GAREM1: variants seen among roughly 807,000 people sequenced by gnomAD.
The protein encoded by GAREM1 is GRB2-associated and regulator of MAPK protein 1.
In GAREM1, 26 loss-of-function variants were observed where a neutral mutation model predicts 71.3. That is an observed-to-expected ratio of 0.36 (90% confidence interval 0.27 to 0.51). The LOEUF (loss-of-function observed/expected upper bound fraction) is 0.51. Ranked by LOEUF, GAREM1 falls within the 20% of genes least tolerant of loss-of-function variation. The pLI is 0.95. For missense variants in GAREM1, 1,026 were observed against 1,103.1 expected (o/e 0.93, Z 0.99); for synonymous variants, 440 against 433.2 (o/e 1.02, Z -0.20).
intron 2 of GAREM1, among the ~76,000 whole-genome samples, chr18:32,325,145 G>T (rs2047463054): frequency 6.6e-6 from 1 of 152,148 alleles, no homozygotes; most frequent in African/African-American, 2.4e-5. Context: ...TTTTAGTAGA[G>T]ACAGGGTTTC....
chr18:32,449,160 G>A (rs1456571541), intron 1 of GAREM1, among the ~76,000 whole-genome samples: 2 of 152,300 alleles, frequency 1.3e-5, no homozygotes, highest in Non-Finnish European at 2.9e-5. Context: ...AAGAGCTCTT[G>A]AGAAGTAAAT....
chr18:32,415,183 T>C (rs1255640773), intron 1 of GAREM1, among the ~76,000 whole-genome samples: 2 of 151,832 alleles, frequency 1.3e-5, no homozygotes, highest in African/African-American at 4.8e-5. Context: ...AACAGACTAA[T>C]AACAAGTAAC....
At chr18:32,342,322 C>T (rs1180795455) in intron 2 of GAREM1, among the ~76,000 whole-genome samples, 3 of 152,120 alleles carry the variant, frequency 2.0e-5, no homozygotes, top group South Asian at 4.1e-4. Context: ...TGAAATGACC[C>T]GCCCTCCTCC....
intron 2 of GAREM1, among the ~76,000 whole-genome samples, chr18:32,371,408 G>A (rs2047978066): frequency 6.6e-6 from 1 of 152,160 alleles, no homozygotes; most frequent in African/African-American, 2.4e-5. Context: ...GCAGTTAAAA[G>A]GCCCCTATAA....
At chr18:32,465,554 A>G (rs556090263) in intron 1 of GAREM1, among the ~76,000 whole-genome samples, 74 of 152,238 alleles carry the variant, frequency 4.9e-4, no homozygotes, top group South Asian at 1.0e-3. Flanking sequence ...TGTTCTACCT[A>G]CTTAGCAGTC....
At chr18:32,380,514 T>C (rs1357514106) in intron 2 of GAREM1, among the ~76,000 whole-genome samples, 2 of 146,948 alleles carry the variant, frequency 1.4e-5, no homozygotes, top group East Asian at 4.1e-4. Context: ...AAATCAAGTC[T>C]GGTAGCCTCT....
At chr18:32,414,475 C>G (rs1178968010) in intron 1 of GAREM1, among the ~76,000 whole-genome samples, 2 of 151,812 alleles carry the variant, frequency 1.3e-5, no homozygotes, top group African/African-American at 4.8e-5. Context: ...GGTCACAAAA[C>G]AAGTCTTAAA....
intron 4 of GAREM1, among the ~76,000 whole-genome samples, chr18:32,283,559 CAA>C (rs56663651): frequency 2.0e-5 from 3 of 150,990 alleles, no homozygotes; most frequent in African/African-American, 7.3e-5. Flanking sequence ...AAAAACAAAA[CAA>C]AAAAAAGCAT....
rs574594504 is a variant in GAREM1 at position 32,375,615 on chromosome 18, G to T, written c.262+17280C>A. On this transcript the variant is annotated intron_variant, in intron 2 of 5. Transcript: ENST00000269209. ...ACACAGATACAGAATTGTCATTCTA[G>T]ATATTCTGTTGGTCCTATATGCAGC... 1.3e-3 allele frequency among the ~76,000 whole-genome samples: 194 copies of T among 152,296 alleles called. 1 individual carries two copies. Among genetic ancestry groups the T allele is most frequent in the African/African-American group, 4.5e-3 (186 of 41,570 alleles).
At chr18:32,395,662 T>C (rs186375967) in intron 1 of GAREM1, among the ~76,000 whole-genome samples, 17 of 152,346 alleles carry the variant, frequency 1.1e-4, no homozygotes, top group Admixed American at 6.5e-4. Flanking sequence ...TGGGTTCATA[T>C]GTAATTTTAC....
At chr18:32,392,412 T>C (rs539970796) in intron 2 of GAREM1, among the ~76,000 whole-genome samples, 10 of 152,176 alleles carry the variant, frequency 6.6e-5, no homozygotes, top group Non-Finnish European at 1.3e-4. Context: ...GGCATCTCAG[T>C]TGCCTGTAAT....
chr18:32,285,932 G>A (rs927120919), intron 4 of GAREM1, among the ~76,000 whole-genome samples: 1 of 152,152 alleles, frequency 6.6e-6, no homozygotes, highest in African/African-American at 2.4e-5. Flanking sequence ...AGGGACCCAA[G>A]GAAGACCCCT....
chr18:32,460,582 T>C lies in GAREM1; in HGVS notation c.121+9726A>G, dbSNP rs1325021407. On this transcript the variant is annotated intron_variant, in intron 1 of 5. Transcript: ENST00000269209. ...ACAGCATAAAAGGAAACTCATTGTC[T>C]GGGATTCAGACACTACTGTTTCAAG... is the stretch of plus-strand genomic sequence containing the variant. 2.0e-5 allele frequency among the ~76,000 whole-genome samples: 3 copies of C among 152,228 alleles called. No individual in the cohort carries two copies. In the East Asian group the frequency reaches 5.8e-4, roughly 29 times the overall value.
At chr18:32,439,188 C>T (rs1315414368) in intron 1 of GAREM1, among the ~76,000 whole-genome samples, 1 of 152,154 alleles carries the variant, frequency 6.6e-6, no homozygotes, top group African/African-American at 2.4e-5. Context: ...GCTTGCTGGG[C>T]ACTGAAAGCC....
rs147613385 is a variant in GAREM1 at position 32,348,789 on chromosome 18, A to G, written c.263-38466T>C. ...TTCCTTGTAAAGATGTAATTTGCCA[A>G]CTCAAGTTGAGAGGATATTAAAAAA... On this transcript the variant is annotated intron_variant, in intron 2 of 5. Coordinates refer to ENST00000269209, the MANE Select transcript of GAREM1 (RefSeq NM_001242409.2). Among the ~76,000 whole-genome samples, 993 of 152,268 alleles carry G rather than the reference A, an allele frequency of 6.5e-3. 10 individuals carry two copies. Among genetic ancestry groups the G allele is most frequent in the African/African-American group, 0.023 (961 of 41,544 alleles).
chr18:32,393,839 C>T (rs2048226280), intron 1 of GAREM1, among the ~76,000 whole-genome samples: 2 of 152,252 alleles, frequency 1.3e-5, no homozygotes, highest in South Asian at 4.1e-4. Flanking sequence ...CTGAAATAAT[C>T]CGTTCCATTA....
At chr18:32,457,144 A>G (rs947448171) in intron 1 of GAREM1, among the ~76,000 whole-genome samples, 4 of 130,072 alleles carry the variant, frequency 3.1e-5, no homozygotes, top group African/African-American at 5.7e-5. Flanking sequence ...AGTAGCTAAA[A>G]TGCCACTATT....
intron 2 of GAREM1, among the ~76,000 whole-genome samples, chr18:32,317,171 G>A (rs961249694): frequency 2.6e-5 from 4 of 152,112 alleles, no homozygotes; most frequent in African/African-American, 7.2e-5. Flanking sequence ...TTGGCAGGCC[G>A]AAGTGGACAG....
intron 1 of GAREM1, among the ~76,000 whole-genome samples, chr18:32,415,948 A>G (rs1327805650): frequency 3.3e-5 from 5 of 152,106 alleles, no homozygotes; most frequent in Non-Finnish European, 7.4e-5. Context: ...TTTGCAGATG[A>G]TATATGATTT....
Sources: gnomAD v4.1 joint callset for allele counts (sites outside exome capture counted in the v4.1 genomes callset) on GRCh38, gnomAD v4.1.1 for gene constraint, MANE v1.5 for transcripts, NCBI Gene and HGNC (gene_info 2026-07-23, HGNC 2026-07-21) for gene names.